Variants in FAM13C observed in about 807,000 individuals in gnomAD.
The protein encoded by FAM13C is family with sequence similarity 13 member C, also known as protein FAM13C.
Under a neutral mutation model 73.2 loss-of-function variants are expected in FAM13C, and 37 were observed. The observed-to-expected ratio is 0.51, with a 90% CI of 0.39 to 0.67. FAM13C has a LOEUF of 0.67. Ranked by LOEUF, FAM13C falls within the 30% of genes least tolerant of loss-of-function variation. The pLI, the probability that FAM13C is intolerant of heterozygous loss-of-function variation, is 0.00. For synonymous variants in FAM13C, 246 were observed against 260.9 expected (o/e 0.94, Z 0.55); for missense variants, 589 against 715.6 (o/e 0.82, Z 2.02).
chr10:59,319,688 G>C (rs1849967743), intron 4 of FAM13C, among the ~76,000 whole-genome samples: 2 of 152,156 alleles, frequency 1.3e-5, no homozygotes, highest in African/African-American at 4.8e-5. Flanking sequence ...CTATTAGTAA[G>C]GGAAGAGAGA....
intron 5 of FAM13C, among the ~76,000 whole-genome samples, chr10:59,292,818 A>T (rs1846421883): frequency 6.6e-6 from 1 of 152,156 alleles, no homozygotes; most frequent in South Asian, 2.1e-4. Context: ...ACTACCTCAA[A>T]TATTTACCAT....
intron 8 of FAM13C, 47 bp from the exon 9 acceptor site, chr10:59,264,213 A>T: frequency 7.0e-5 from 57 of 811,994 alleles, no homozygotes; most frequent in Non-Finnish European, 1.0e-4. Context: ...GGAAGGAGGG[A>T]GAGGGTGGGG....
intron 12 of FAM13C, among the ~76,000 whole-genome samples, chr10:59,252,146 C>T (rs919192585): frequency 3.3e-5 from 5 of 151,994 alleles, no homozygotes; most frequent in African/African-American, 7.3e-5. Context: ...CAGAAGAAAG[C>T]GATAGTTACA....
chr10:59,339,114 T>C lies in FAM13C; in HGVS notation c.324+13156A>G, dbSNP rs563223390. Among the ~76,000 whole-genome samples the C allele has an allele frequency of 2.6e-5, 4 of 152,166 alleles. No individual in the cohort carries two copies. The South Asian group carries it at 8.3e-4, about 32-fold the overall frequency. ...CCGCCCCCATCCTTACATGGCCTTA[T>C]TCCCTGCATGTCTCTCTGTGTCTGC... is the stretch of plus-strand genomic sequence containing the variant. On this transcript the variant is annotated intron_variant, in intron 3 of 13. Transcript: ENST00000618804.
At chr10:59,262,725 CCCCT>C in intron 9 of FAM13C, 80 bp from the exon 10 acceptor site, 1 of 1,181,058 alleles carries the variant, frequency 8.5e-7, no homozygotes, top group Non-Finnish European at 1.2e-6. Context: ...GGAATTCCTT[CCCCT>C]GATGCCAAAT....
chr10:59,284,430 G>C (rs1845308588), intron 5 of FAM13C, among the ~76,000 whole-genome samples: 1 of 151,784 alleles, frequency 6.6e-6, no homozygotes, highest in Non-Finnish European at 1.5e-5. Flanking sequence ...ACCGGGAGCA[G>C]AGCCACTGGT....
At chr10:59,268,178 T>G (rs1477164665) in intron 8 of FAM13C, among the ~76,000 whole-genome samples, 1 of 150,660 alleles carries the variant, frequency 6.6e-6, no homozygotes, top group African/African-American at 2.5e-5. Flanking sequence ...TTTAATAAGT[T>G]CTTATCAAAA....
chr10:59,362,285 G>A (rs1856509451), intron 1 of FAM13C, 114 bp downstream of exon 1: 4 of 1,412,978 alleles, frequency 2.8e-6, no homozygotes, highest in Admixed American at 2.0e-5. Context: ...CCCAGATTCC[G>A]GGAGACAATG....
chr10:59,329,550 A>G (rs284634), intron 3 of FAM13C, among the ~76,000 whole-genome samples: 60,540 of 151,176 alleles, frequency 0.4, 12,323 homozygotes, highest in East Asian at 0.48. Flanking sequence ...GTAGAGATGA[A>G]TTTTCACCAG....
intron 6 of FAM13C, among the ~76,000 whole-genome samples, chr10:59,280,260 G>C (rs894768558): frequency 2.0e-5 from 3 of 152,152 alleles, no homozygotes; most frequent in Non-Finnish European, 4.4e-5. Flanking sequence ...AATCCAGTTG[G>C]TTACCCTTTG....
chr10:59,258,244 G>A (rs560475146), intron 10 of FAM13C, among the ~76,000 whole-genome samples: 127 of 152,280 alleles, frequency 8.3e-4, no homozygotes, highest in African/African-American at 3.0e-3. Flanking sequence ...AGCACTTTGG[G>A]AGGCTGAGGT....
chr10:59,321,431 CCTTTTT>C (rs1208518830), intron 4 of FAM13C, among the ~76,000 whole-genome samples: 7 of 109,852 alleles, frequency 6.4e-5, no homozygotes, highest in African/African-American at 2.1e-4. Context: ...CCTGCCAACA[CCTTTTT>C]TTTTTTTTTT....
intron 3 of FAM13C, among the ~76,000 whole-genome samples, chr10:59,349,502 G>A (rs1293219324): frequency 6.6e-6 from 1 of 152,130 alleles, no homozygotes; most frequent in Non-Finnish European, 1.5e-5. Flanking sequence ...TGGGTGTAGT[G>A]GCTCATGCCT....
In FAM13C at chr10:59,299,987, A is replaced by C. The variant is rs182335438; in HGVS notation, c.507+2814T>G. Among the ~76,000 whole-genome samples, 556 of 152,314 alleles carry C rather than the reference A, an allele frequency of 3.7e-3. 5 individuals are homozygous for C. Among genetic ancestry groups the C allele is most frequent in the African/African-American group, 0.013 (530 of 41,560 alleles). On this transcript the variant is annotated intron_variant, in intron 5 of 13. Coordinates refer to ENST00000618804, the MANE Select transcript of FAM13C (RefSeq NM_198215.4). ...GGAGCTCTAGGCTGGCAGAAGAAAA[A>C]TGAGACTGGCAGGTGTCAAATCTAT...
In FAM13C at chr10:59,352,451, T is replaced by C; in HGVS notation, c.143A>G (p.Tyr48Cys). Residue 48 changes from tyrosine to cysteine, a missense_variant, in exon 3 of 14, where the codon TAC (tyrosine) becomes TGC (cysteine). By Grantham distance (194) the Tyr-to-Cys change is radical. Transcript: ENST00000618804. ...TTCTACCAGAGCCCCTGCGTCGGGGTAGTTCTCTTTATTGTTTTCATCTCT... is the reference window on the plus strand; with the variant it reads ...TTCTACCAGAGCCCCTGCGTCGGGGCAGTTCTCTTTATTGTTTTCATCTCT... Reference protein sequence around the residue: ...SLRDENNKENYPDAGALVEEH... With the variant: ...SLRDENNKENCPDAGALVEEH... 1.2e-6 allele frequency: 2 copies of C among 1,611,114 alleles called. No individual in the cohort carries two copies. The highest frequency in any genetic ancestry group is 1.7e-6 in the Non-Finnish European group (2 of 1,178,902).
chr10:59,270,232 TG>T (rs1461429406), intron 6 of FAM13C, 123 bp from the exon 7 acceptor site: 1 of 932,590 alleles, frequency 1.1e-6, no homozygotes, highest in Non-Finnish European at 1.6e-6. Flanking sequence ...TTCTTCCTTC[TG>T]GGGATATGAA....
intron 5 of FAM13C, among the ~76,000 whole-genome samples, chr10:59,293,237 C>T (rs955208582): frequency 4.4e-5 from 6 of 136,416 alleles, no homozygotes; most frequent in Admixed American, 2.9e-4. Context: ...CCATGCCCAG[C>T]TAATTTTTTT....
intron 2 of FAM13C, among the ~76,000 whole-genome samples, chr10:59,353,816 A>G (rs2134273991): frequency 6.6e-6 from 1 of 152,358 alleles, no homozygotes; most frequent in South Asian, 2.1e-4. Context: ...TATCTGGTAA[A>G]GGAGAATCCA....
At chr10:59,247,772 G>A (rs772936009) in intron 13 of FAM13C, 35 bp from the exon 14 acceptor site, 34 of 1,590,184 alleles carry the variant, frequency 2.1e-5, no homozygotes, top group Non-Finnish European at 2.8e-5. Context: ...AGTTCACAAT[G>A]AATCAAGTCA....
Sources: allele counts gnomAD v4.1 joint callset (sites outside exome capture counted in the v4.1 genomes callset), GRCh38; gene constraint gnomAD v4.1.1; transcripts MANE v1.5; gene names NCBI Gene and HGNC (gene_info 2026-07-23, HGNC 2026-07-21).